Variants in LEKR1 observed in about 807,000 individuals in gnomAD.
LEKR1 encodes the protein leucine, glutamate and lysine rich 1.
LEKR1 carries 59 observed loss-of-function variants against 72.4 expected under a neutral mutation model. That is an observed-to-expected ratio of 0.82 (90% CI 0.66 to 1.01). LEKR1 has a LOEUF of 1.01. Ranked by LOEUF, LEKR1 falls within the 50% of genes least tolerant of loss-of-function variation. LEKR1 has a pLI of 0.00. For synonymous variants in LEKR1, 257 were observed against 263.2 expected, an observed-to-expected ratio of 0.98 and a Z score of 0.23; for missense variants, 728 against 759.2, an observed-to-expected ratio of 0.96 and a Z score of 0.48.
chr3:156,894,693 A>T (rs1721000992), intron 3 of LEKR1, among the ~76,000 whole-genome samples: 1 of 152,216 alleles, frequency 6.6e-6, no homozygotes, highest in African/African-American at 2.4e-5. Flanking sequence ...ACAGAAACAG[A>T]TACATAAACC....
At chr3:156,836,666 C>T (rs1713183303) in intron 2 of LEKR1, among the ~76,000 whole-genome samples, 1 of 152,136 alleles carries the variant, frequency 6.6e-6, no homozygotes, top group Non-Finnish European at 1.5e-5. Flanking sequence ...TATGACTTAT[C>T]GATGGATGCA....
chr3:157,027,578 G>A (rs1734285090), intron 11 of LEKR1, among the ~76,000 whole-genome samples: 1 of 152,132 alleles, frequency 6.6e-6, no homozygotes, highest in South Asian at 2.1e-4. Flanking sequence ...CACTTTGGGA[G>A]GCTGAGGCAG....
intron 10 of LEKR1, among the ~76,000 whole-genome samples, chr3:157,023,594 A>C (rs1245168595): frequency 6.6e-6 from 1 of 152,172 alleles, no homozygotes; most frequent in African/African-American, 2.4e-5. Flanking sequence ...CTTTACACAG[A>C]AGCTTTGCCT....
chr3:156,831,028 G>T (rs888697377), intron 2 of LEKR1, among the ~76,000 whole-genome samples: 4 of 152,036 alleles, frequency 2.6e-5, no homozygotes, highest in Non-Finnish European at 4.4e-5. Context: ...GGCCACTGTG[G>T]CATGTGGCAG....
At chr3:156,865,041 T>C (rs1028317751) in intron 3 of LEKR1, among the ~76,000 whole-genome samples, 4 of 152,054 alleles carry the variant, frequency 2.6e-5, no homozygotes, top group Non-Finnish European at 2.9e-5. Context: ...AGCCCCAGAC[T>C]AATCTCTTCA....
At chr3:156,983,951 A>G (rs759612547) in intron 7 of LEKR1, among the ~76,000 whole-genome samples, 5 of 152,126 alleles carry the variant, frequency 3.3e-5, no homozygotes, top group Non-Finnish European at 7.4e-5. Context: ...AAAAGTGGCT[A>G]TGAATTCACA....
At chr3:156,983,566 A>T (rs1168422669) in intron 7 of LEKR1, among the ~76,000 whole-genome samples, 1 of 152,114 alleles carries the variant, frequency 6.6e-6, no homozygotes, top group Non-Finnish European at 1.5e-5. Flanking sequence ...TGGTCCAGTG[A>T]AACCCACTCT....
chr3:156,882,862 T>C (rs1719590424), intron 3 of LEKR1, among the ~76,000 whole-genome samples: 1 of 151,692 alleles, frequency 6.6e-6, no homozygotes, highest in Non-Finnish European at 1.5e-5. Context: ...GGGACATGGA[T>C]GAAATTGGAA....
chr3:156,919,780 T>C (rs530269041), intron 3 of LEKR1, among the ~76,000 whole-genome samples: 39 of 152,192 alleles, frequency 2.6e-4, no homozygotes, highest in Non-Finnish European at 4.7e-4. Flanking sequence ...TGTTATTCTT[T>C]GGACGTTGTG....
At chr3:156,933,712 T>G (rs567314187) in intron 5 of LEKR1, among the ~76,000 whole-genome samples, 4 of 152,328 alleles carry the variant, frequency 2.6e-5, no homozygotes, top group South Asian at 2.1e-4. Flanking sequence ...AATCCATGTT[T>G]TCTTTTTCAG....
At chr3:157,032,097 G>A (rs1334891870) in intron 12 of LEKR1, among the ~76,000 whole-genome samples, 1 of 151,902 alleles carries the variant, frequency 6.6e-6, no homozygotes, top group African/African-American at 2.4e-5. Flanking sequence ...GAGAGAGAGA[G>A]AGAAAGTTAA....
intron 5 of LEKR1, among the ~76,000 whole-genome samples, chr3:156,936,455 ACACACACACACC>A (rs1049590815): frequency 4.7e-5 from 6 of 126,924 alleles, no homozygotes; most frequent in Admixed American, 3.6e-4. Flanking sequence ...ACACACACAC[ACACACACACACC>A]CCCCGTATGC....
intron 6 of LEKR1, among the ~76,000 whole-genome samples, chr3:156,973,165 C>A (rs865784685): frequency 2.0e-5 from 3 of 151,946 alleles, no homozygotes; most frequent in Non-Finnish European, 4.4e-5. Flanking sequence ...CTAAAGTCTG[C>A]GAAGTTTTAT....
At chr3:156,927,819 T>G (rs1724863093) in intron 5 of LEKR1, among the ~76,000 whole-genome samples, 1 of 151,972 alleles carries the variant, frequency 6.6e-6, no homozygotes, top group Non-Finnish European at 1.5e-5. Context: ...TCCTGAACTG[T>G]GGCCAGAAGT....
intron 10 of LEKR1, among the ~76,000 whole-genome samples, chr3:157,024,179 C>T (rs1325449482): frequency 6.6e-6 from 1 of 152,140 alleles, no homozygotes; most frequent in East Asian, 1.9e-4. Flanking sequence ...TGCTTTCTCT[C>T]CATTATAAAA....
intron 12 of LEKR1, among the ~76,000 whole-genome samples, chr3:157,029,682 G>A (rs529534100): frequency 1.3e-5 from 2 of 152,142 alleles, no homozygotes; most frequent in Admixed American, 6.6e-5. Flanking sequence ...GTTCAGGCAG[G>A]AGTAAGGAGG....
chr3:156,875,922 G>C (rs928786029), intron 3 of LEKR1, among the ~76,000 whole-genome samples: 1 of 151,240 alleles, frequency 6.6e-6, no homozygotes, highest in East Asian at 1.9e-4. Flanking sequence ...ATGAACCCGG[G>C]GGGCAGAGCC....
chr3:157,040,902 A>AATCTTTACAAT (rs1239347426), intron 12 of LEKR1, among the ~76,000 whole-genome samples: 42 of 152,292 alleles, frequency 2.8e-4, no homozygotes, highest in African/African-American at 1.0e-3. Flanking sequence ...ATCAAGTTAC[A>AATCTTTACAAT]CAGTAAAACC....
At chr3:156,862,808 G>A (rs16826866) in intron 3 of LEKR1, among the ~76,000 whole-genome samples, 2,031 of 152,084 alleles carry the variant, frequency 0.013, 38 homozygotes, top group African/African-American at 0.046. Flanking sequence ...GGTTAAGTTC[G>A]CAGCCGGTGG....
Sources: gnomAD v4.1 joint callset for allele counts (sites outside exome capture counted in the v4.1 genomes callset) on GRCh38, gnomAD v4.1.1 for gene constraint, MANE v1.5 for transcripts, NCBI Gene and HGNC (gene_info 2026-07-23, HGNC 2026-07-21) for gene names.